Variants in EPB41L4B observed in about 807,000 individuals in gnomAD.
The protein encoded by EPB41L4B is erythrocyte membrane protein band 4.1 like 4B, also known as band 4.1-like protein 4B.
A neutral mutation model predicts 112.5 loss-of-function variants in EPB41L4B; 30 were observed. The ratio of observed to expected loss-of-function variants is 0.27; its 90% CI spans 0.20 to 0.36. The LOEUF is 0.36. Among genes scored for constraint, EPB41L4B ranks in the 10% least tolerant of loss-of-function variants. EPB41L4B has a pLI of 1.00. For missense variants in EPB41L4B, 1,024 were observed against 1,133.3 expected, an observed-to-expected ratio of 0.90 and a Z score of 1.38; for synonymous variants, 408 against 439.7, an observed-to-expected ratio of 0.93 and a Z score of 0.90.
chr9:109,264,107 C>A (rs1452305563), intron 5 of EPB41L4B, among the ~76,000 whole-genome samples: 1 of 151,816 alleles, frequency 6.6e-6, no homozygotes, highest in East Asian at 1.9e-4. Flanking sequence ...ACACACCAAC[C>A]AAAGGTCTGT....
chr9:109,254,534 G>A (rs1834911216), intron 11 of EPB41L4B, among the ~76,000 whole-genome samples: 1 of 152,170 alleles, frequency 6.6e-6, no homozygotes, highest in Non-Finnish European at 1.5e-5. Flanking sequence ...GTGGGTAGAG[G>A]TTATGAAACC....
chr9:109,252,867 T>G (rs1834844272), intron 12 of EPB41L4B, among the ~76,000 whole-genome samples: 1 of 152,038 alleles, frequency 6.6e-6, no homozygotes, highest in Non-Finnish European at 1.5e-5. Flanking sequence ...TGTACTGTGT[T>G]CCGGGCCTCA....
At chr9:109,281,629 G>C (rs1029416962) in intron 1 of EPB41L4B, among the ~76,000 whole-genome samples, 1 of 152,042 alleles carries the variant, frequency 6.6e-6, no homozygotes, top group African/African-American at 2.4e-5. Context: ...AAGTTGCAGC[G>C]AGCCGAGATT....
chr9:109,320,201 C>G lies in EPB41L4B; in HGVS notation c.246G>C (p.Lys82Asn). The G allele has an allele frequency of 6.9e-7, 1 of 1,443,864 alleles. No homozygotes were observed. Among genetic ancestry groups the G allele is most frequent in the Non-Finnish European group, 9.1e-7 (1 of 1,094,238 alleles). The allele number at this position is 1,443,864 out of a possible 1,614,324, so 89.4% of individuals were successfully genotyped here. The change falls in exon 1 of 26, where the codon AAG becomes AAC. Residue 82 changes from lysine to asparagine, a missense_variant. Lys to Asn is a moderately conservative substitution (Grantham distance 94). Coordinates refer to ENST00000374566, the MANE Select transcript of EPB41L4B (RefSeq NM_019114.5). ...AVHISAAGAAKATLYCRVFLL... is the reference protein window; with the variant it reads ...AVHISAAGAANATLYCRVFLL... ...GGAAGACGCGGCAGTAGAGGGTGGC[C>G]TTGGCGGCGCCGGCGGCGGAGATGT...
intron 16 of EPB41L4B, among the ~76,000 whole-genome samples, chr9:109,214,315 G>A (rs1029932762): frequency 1.3e-5 from 2 of 152,028 alleles, no homozygotes; most frequent in Admixed American, 1.3e-4. Flanking sequence ...CTTCCAGCTT[G>A]AATTTACTCA....
At chr9:109,262,979 T>C (rs1181557531) in intron 6 of EPB41L4B, 71 bp downstream of exon 6, 8 of 1,073,898 alleles carry the variant, frequency 7.4e-6, no homozygotes, top group Non-Finnish European at 9.8e-6. Flanking sequence ...CCTGGTATAC[T>C]GTGGACACTC....
intron 15 of EPB41L4B, among the ~76,000 whole-genome samples, chr9:109,231,967 CT>C (rs989148337): frequency 2.6e-5 from 4 of 151,660 alleles, no homozygotes; most frequent in African/African-American, 9.7e-5. Context: ...ACAACAGTCA[CT>C]TCTAATAAGC....
Position 109,182,742 on chromosome 9 carries a change from C to T in EPB41L4B, c.2474G>A (p.Gly825Glu). The T allele has an allele frequency of 6.2e-7, 1 of 1,611,818 alleles. No homozygotes were observed. Among genetic ancestry groups the T allele is most frequent in the Non-Finnish European group, 8.5e-7 (1 of 1,177,984 alleles). Residue 825 changes from glycine (G) to glutamate (E), a missense_variant, in exon 24 of 26, where the codon GGG (glycine) becomes GAG (glutamate). Coordinates refer to ENST00000374566, the MANE Select transcript of EPB41L4B (RefSeq NM_019114.5). The part of the protein sequence containing the change: ...MNPFPDTFTT[G>E]PQFTADFRDS... The stretch of plus-strand genomic sequence containing the variant: ...GGATCTACTTACAGTAAACTGTGGC[C>T]CTGTGGTGAAAGTATCAGGAAACGG...
rs536254789 is a variant in EPB41L4B, at chr9:109,237,343, C to A, written c.1409+6275G>T. 1.0e-3 allele frequency among the ~76,000 whole-genome samples: 156 copies of A among 152,326 alleles called. 2 individuals are homozygous for A. The highest frequency in any genetic ancestry group is 3.3e-3 in the South Asian group (16 of 4,822). Reference sequence around the variant, plus strand: ...ATGAATTACATCAATCAAATGACAACTGTCAATACACTGTTGGATGTTCTG... The same window carrying A: ...ATGAATTACATCAATCAAATGACAAATGTCAATACACTGTTGGATGTTCTG... On this transcript the variant is annotated intron_variant, in intron 15 of 25. Transcript: ENST00000374566.
chr9:109,190,834 A>G (rs1832435482), intron 22 of EPB41L4B, among the ~76,000 whole-genome samples: 1 of 152,204 alleles, frequency 6.6e-6, no homozygotes, highest in South Asian at 2.1e-4. Flanking sequence ...TCCACCTGAT[A>G]GGCTGGGGCC....
At chr9:109,239,686 T>G in intron 15 of EPB41L4B, 2 of 274,778 alleles carry the variant, frequency 7.3e-6, no homozygotes, top group Non-Finnish European at 1.1e-5. Context: ...GTATGCATAC[T>G]GGTGAGGCTT....
At chr9:109,266,987 A>G (rs971444738) in intron 4 of EPB41L4B, among the ~76,000 whole-genome samples, 133 of 149,742 alleles carry the variant, frequency 8.9e-4, no homozygotes, top group African/African-American at 3.2e-3. Context: ...AAAAAAAAAA[A>G]AAAAAAGAAA....
chr9:109,245,722 G>A (rs1312740496), intron 14 of EPB41L4B, among the ~76,000 whole-genome samples: 1 of 152,108 alleles, frequency 6.6e-6, no homozygotes, highest in Admixed American at 6.5e-5. Context: ...TACCCTTCAC[G>A]GTATTCACAT....
At chr9:109,305,069 A>G (rs1346808477) in intron 1 of EPB41L4B, among the ~76,000 whole-genome samples, 1 of 152,100 alleles carries the variant, frequency 6.6e-6, no homozygotes, top group Non-Finnish European at 1.5e-5. Flanking sequence ...AAAAAGGTCA[A>G]TAATGCCATC....
At chr9:109,310,819 G>A (rs764068238) in intron 1 of EPB41L4B, among the ~76,000 whole-genome samples, 6 of 152,226 alleles carry the variant, frequency 3.9e-5, no homozygotes, top group Non-Finnish European at 5.9e-5. Flanking sequence ...TAAACTGTAC[G>A]TGGTATACTC....
chr9:109,273,066 A>G (rs1054338467), intron 2 of EPB41L4B, among the ~76,000 whole-genome samples: 9 of 152,078 alleles, frequency 5.9e-5, no homozygotes, highest in Admixed American at 3.3e-4. Context: ...CAAGCCCTAT[A>G]AACTCACTTA....
At chr9:109,283,909 A>C (rs1245367663) in intron 1 of EPB41L4B, among the ~76,000 whole-genome samples, 2 of 150,956 alleles carry the variant, frequency 1.3e-5, no homozygotes, top group African/African-American at 4.9e-5. Flanking sequence ...CAACATAGCA[A>C]GACCCCATCT....
intron 1 of EPB41L4B, among the ~76,000 whole-genome samples, chr9:109,299,997 C>T (rs1836897904): frequency 6.6e-6 from 1 of 152,198 alleles, no homozygotes; most frequent in South Asian, 2.1e-4. Flanking sequence ...GTGGATTCAC[C>T]ACAGTGAAGA....
intron 4 of EPB41L4B, among the ~76,000 whole-genome samples, chr9:109,267,045 A>G (rs1261135991): frequency 1.3e-5 from 2 of 151,932 alleles, no homozygotes; most frequent in African/African-American, 4.8e-5. Context: ...CAACTTTGCT[A>G]TAATTACTCT....
Sources: allele counts gnomAD v4.1 joint callset (sites outside exome capture counted in the v4.1 genomes callset), GRCh38; gene constraint gnomAD v4.1.1; transcripts MANE v1.5; gene names NCBI Gene and HGNC (gene_info 2026-07-23, HGNC 2026-07-21).